Variants in FMR1NB observed in about 807,000 individuals in gnomAD.
The protein encoded by FMR1NB is FMR1 neighbor protein.
In FMR1NB, 10 loss-of-function variants were observed where a neutral mutation model predicts 16.8. The observed-to-expected ratio is 0.60, with a 90% CI of 0.37 to 1.01. The LOEUF (loss-of-function observed/expected upper bound fraction) is 1.01, where lower values mean the gene tolerates loss of function less well. Ranked by LOEUF, FMR1NB falls within the 50% of genes least tolerant of loss-of-function variation. FMR1NB has a pLI of 0.01. For missense variants in FMR1NB, 205 were observed against 204.8 expected (o/e 1.00, Z 0.00); for synonymous variants, 83 against 79.1 (o/e 1.05, Z -0.26).
intron 2 of FMR1NB, among the ~76,000 whole-genome samples, chrX:148,005,648 A>G (rs190400268): frequency 1.5e-3 from 169 of 111,902 alleles, no homozygotes; most frequent in African/African-American, 5.4e-3. Flanking sequence ...TTTAAAACAG[A>G]GATTGTAAAA....
At chrX:148,014,349 C>T (rs1474478495) in intron 4 of FMR1NB, among the ~76,000 whole-genome samples, 3 of 111,954 alleles carry the variant, frequency 2.7e-5, no homozygotes, top group African/African-American at 9.8e-5. Flanking sequence ...CTAATCTACT[C>T]TCCCTCTAAT....
chrX:147,998,520 G>A (rs1489938509), intron 1 of FMR1NB, among the ~76,000 whole-genome samples: 4 of 111,734 alleles, frequency 3.6e-5, no homozygotes, highest in African/African-American at 6.5e-5. Flanking sequence ...GGGTTGATGG[G>A]TGCAGCAAAC....
chrX:148,006,963 C>G, intron 3 of FMR1NB, 121 bp downstream of exon 3: 1 of 790,918 alleles, frequency 1.3e-6, no homozygotes, highest in Non-Finnish European at 1.8e-6. Context: ...AGTCCTAGAG[C>G]GGTGCTCCTT....
intron 5 of FMR1NB, 81 bp downstream of exon 5, chrX:148,025,094 T>G: frequency 1.9e-6 from 2 of 1,041,935 alleles, no homozygotes; most frequent in East Asian, 6.5e-5. Context: ...CATCTTGGCT[T>G]GACTGACACA....
intron 4 of FMR1NB, among the ~76,000 whole-genome samples, chrX:148,010,612 C>A (rs1344836508): frequency 9.0e-6 from 1 of 111,128 alleles, no homozygotes; most frequent in South Asian, 3.9e-4. Flanking sequence ...AATAAATAAC[C>A]CATAAAAGAG....
chrX:147,989,744 C>A (rs2044494669), intron 1 of FMR1NB, among the ~76,000 whole-genome samples: 1 of 111,544 alleles, frequency 9.0e-6, no homozygotes, highest in East Asian at 2.8e-4. Context: ...GAGAGGCTGT[C>A]TGGACACAGC....
intron 1 of FMR1NB, among the ~76,000 whole-genome samples, chrX:147,997,542 G>A (rs1433548278): frequency 1.8e-5 from 2 of 112,115 alleles, no homozygotes; most frequent in Non-Finnish European, 3.8e-5. Flanking sequence ...CAGGACAATG[G>A]CATGGGCAAA....
intron 4 of FMR1NB, among the ~76,000 whole-genome samples, chrX:148,010,569 A>G (rs190410608): frequency 8.9e-6 from 1 of 112,154 alleles, no homozygotes; most frequent in Admixed American, 9.5e-5. Flanking sequence ...ATTTCAAAGA[A>G]TAAAGAGATA....
chrX:148,012,096 G>A (rs782523895), intron 4 of FMR1NB, among the ~76,000 whole-genome samples: 1 of 111,658 alleles, frequency 9.0e-6, no homozygotes, highest in South Asian at 3.8e-4. Flanking sequence ...TCACTAGTAG[G>A]CTTAAGCCTT....
chrX:148,019,018 A>G lies in FMR1NB; in HGVS notation c.633-5847A>G, dbSNP rs185248922. On this transcript the variant is annotated intron_variant, in intron 4 of 5. Coordinates refer to ENST00000370467, the MANE Select transcript of FMR1NB (RefSeq NM_152578.3). ...CCCCATCAAAAAGTGGGTGAAGGAC[A>G]TGAACAGACACCTTTTGAGACTATT... is the stretch of plus-strand genomic sequence containing the variant. Among the ~76,000 whole-genome samples the G allele has an allele frequency of 4.9e-3, 551 of 112,189 alleles. 7 individuals are homozygous for G. Among genetic ancestry groups the G allele is most frequent in the African/African-American group, 0.017 (517 of 30,875 alleles).
intron 4 of FMR1NB, among the ~76,000 whole-genome samples, chrX:148,017,917 A>G (rs1318711906): frequency 1.0e-4 from 11 of 108,147 alleles, no homozygotes; most frequent in Admixed American, 9.9e-4. Context: ...CATGTGCCAC[A>G]TTTTCTTAAT....
intron 4 of FMR1NB, among the ~76,000 whole-genome samples, 196 bp downstream of exon 4, chrX:148,008,907 C>A (rs1340458958): frequency 8.9e-6 from 1 of 111,800 alleles, no homozygotes; most frequent in Non-Finnish European, 1.9e-5. Context: ...CGGCCAGGCA[C>A]GGTGGCTCAC....
At chrX:147,987,918 T>G (rs1296608910) in intron 1 of FMR1NB, among the ~76,000 whole-genome samples, 10 of 111,089 alleles carry the variant, frequency 9.0e-5, no homozygotes, top group Non-Finnish European at 1.3e-4. Flanking sequence ...TCTTTGCATG[T>G]GAGATGGGTC....
chrX:148,024,540 T>C (rs2044693998), intron 4 of FMR1NB, among the ~76,000 whole-genome samples: 1 of 111,995 alleles, frequency 8.9e-6, no homozygotes, highest in Non-Finnish European at 1.9e-5. Context: ...GTGGAAGAGC[T>C]GGCTTCCTAG....
intron 1 of FMR1NB, among the ~76,000 whole-genome samples, chrX:147,985,290 T>A: frequency 8.9e-6 from 1 of 111,843 alleles, no homozygotes; most frequent in East Asian, 2.8e-4. Context: ...TTCCTAGATT[T>A]TTTTTGTTGA....
chrX:148,004,813 C>A (rs1299267384), intron 2 of FMR1NB, among the ~76,000 whole-genome samples: 7 of 112,454 alleles, frequency 6.2e-5, no homozygotes, highest in African/African-American at 2.3e-4. Context: ...ATACTTAAAC[C>A]TGACAAAAAA....
chrX:148,016,227 T>C, intron 4 of FMR1NB, among the ~76,000 whole-genome samples: 1 of 110,820 alleles, frequency 9.0e-6, no homozygotes, highest in Non-Finnish European at 1.9e-5. Flanking sequence ...TTCATATAGT[T>C]TTGTTTTGAA....
At chrX:148,004,860 A>G in intron 2 of FMR1NB, among the ~76,000 whole-genome samples, 1 of 112,583 alleles carries the variant, frequency 8.9e-6, no homozygotes, top group East Asian at 2.8e-4. Flanking sequence ...AAAATTACCA[A>G]TGCCTCTTAG....
intron 4 of FMR1NB, among the ~76,000 whole-genome samples, chrX:148,016,641 G>C (rs1486019740): frequency 2.7e-5 from 3 of 110,861 alleles, no homozygotes; most frequent in Non-Finnish European, 3.8e-5. Flanking sequence ...TTGATTAGAG[G>C]TTACCATGAG....
Sources: allele counts gnomAD v4.1 joint callset (sites outside exome capture counted in the v4.1 genomes callset), GRCh38; gene constraint gnomAD v4.1.1; transcripts MANE v1.5; gene names NCBI Gene and HGNC (gene_info 2026-07-23, HGNC 2026-07-21).